The following AGBL3 variants were observed in gnomAD, a reference collection of about 807,000 sequenced individuals.
The protein encoded by AGBL3 is AGBL carboxypeptidase 3, also known as cytosolic carboxypeptidase 3.
Under a neutral mutation model 94.5 loss-of-function variants are expected in AGBL3, and 68 were observed. That is an observed-to-expected ratio of 0.72 (90% CI 0.59 to 0.88). The LOEUF (loss-of-function observed/expected upper bound fraction) is 0.88. AGBL3 is among the 40% of genes least tolerant of loss of function. The pLI, the probability that AGBL3 is intolerant of heterozygous loss-of-function variation, is 0.00. For missense variants in AGBL3, 934 were observed against 1,103.8 expected (o/e 0.85, Z 2.18); for synonymous variants, 354 against 370.7 (o/e 0.95, Z 0.52).
intron 15 of AGBL3, among the ~76,000 whole-genome samples, chr7:135,104,687 G>A (rs1164652054): frequency 1.3e-5 from 2 of 151,726 alleles, no homozygotes; most frequent in East Asian, 3.9e-4. Context: ...CAGTGATATT[G>A]AGCTTTATTT....
rs77214821 is a variant in AGBL3 at position 135,078,433 on chromosome 7, A to T, written c.1981-1770A>T. On this transcript the variant is annotated intron_variant, in intron 13 of 16. Transcript: ENST00000436302. ...ATTAAAATTTTATTTATGGTAAACAAATCCTCTAATTGTTACCCCTGTGTT... is the reference window on the plus strand; with the variant it reads ...ATTAAAATTTTATTTATGGTAAACATATCCTCTAATTGTTACCCCTGTGTT... 7.3e-4 allele frequency among the ~76,000 whole-genome samples: 111 copies of T among 152,262 alleles called. 3 individuals are homozygous for T. The South Asian group carries it at 0.011, about 15-fold the overall frequency.
intron 16 of AGBL3, among the ~76,000 whole-genome samples, chr7:135,128,291 C>CAAAAAAAAAAAAAAAAA: frequency 3.4e-5 from 2 of 58,070 alleles, no homozygotes; most frequent in Non-Finnish European, 5.5e-5. Flanking sequence ...GACTCCATCT[C>CAAAAAAAAAAAAAAAAA]AAAAAAAAAA....
intron 16 of AGBL3, chr7:135,129,323 G>A: frequency 7.9e-7 from 1 of 1,263,756 alleles, no homozygotes; most frequent in East Asian, 2.3e-5. Context: ...CATGTAAGGT[G>A]ACTGCAGAGA....
intron 5 of AGBL3, among the ~76,000 whole-genome samples, chr7:135,024,328 C>T (rs1814849292): frequency 6.6e-6 from 1 of 152,190 alleles, no homozygotes; most frequent in South Asian, 2.1e-4. Flanking sequence ...CTCTGCTGGC[C>T]ATTACTCTCA....
intron 4 of AGBL3, 50 bp downstream of exon 4, chr7:134,993,728 C>A: frequency 7.3e-7 from 1 of 1,377,888 alleles, no homozygotes; most frequent in Non-Finnish European, 9.6e-7. Flanking sequence ...ACTTACTTTG[C>A]CAACCTTAAT....
chr7:135,071,485 C>G (rs888675664), intron 12 of AGBL3, among the ~76,000 whole-genome samples: 21 of 152,144 alleles, frequency 1.4e-4, no homozygotes, highest in Admixed American at 3.3e-4. Flanking sequence ...CAAAGCTGGA[C>G]GCATCACACT....
intron 4 of AGBL3, among the ~76,000 whole-genome samples, chr7:134,996,501 T>TA (rs11462220): frequency 0.93 from 141,746 of 152,152 alleles, 66,817 homozygotes; most frequent in East Asian, 1. Context: ...TCCCCAGAGG[T>TA]AAAAATAGAG....
At chr7:135,124,522 A>C (rs189635282) in intron 16 of AGBL3, among the ~76,000 whole-genome samples, 1 of 152,226 alleles carries the variant, frequency 6.6e-6, no homozygotes, top group African/African-American at 2.4e-5. Flanking sequence ...TCAGGACTTG[A>C]ACTCTCAGCT....
chr7:135,024,949 C>T (rs1430599002), intron 5 of AGBL3, among the ~76,000 whole-genome samples: 1 of 151,426 alleles, frequency 6.6e-6, no homozygotes, highest in African/African-American at 2.4e-5. Flanking sequence ...ATGAACAAAA[C>T]CTTTGAGAAA....
intron 5 of AGBL3, among the ~76,000 whole-genome samples, chr7:135,032,367 C>T (rs889905644): frequency 4.7e-4 from 71 of 152,044 alleles, no homozygotes; most frequent in African/African-American, 1.7e-3. Flanking sequence ...TGTAGTGACG[C>T]GATCTCCGCT....
chr7:135,079,800 G>T (rs558610558), intron 13 of AGBL3, among the ~76,000 whole-genome samples: 22 of 151,982 alleles, frequency 1.4e-4, no homozygotes, highest in Admixed American at 5.9e-4. Flanking sequence ...TTTGCAATCT[G>T]TTTATATATT....
intron 16 of AGBL3, among the ~76,000 whole-genome samples, chr7:135,124,802 G>A (rs1018704830): frequency 5.3e-5 from 8 of 152,014 alleles, no homozygotes; most frequent in African/African-American, 1.7e-4. Flanking sequence ...ATGACTCCTC[G>A]GTAAATAATG....
At chr7:135,120,754 C>T (rs1385291078) in intron 16 of AGBL3, among the ~76,000 whole-genome samples, 1 of 152,144 alleles carries the variant, frequency 6.6e-6, no homozygotes, top group Non-Finnish European at 1.5e-5. Context: ...GAAGAAGATA[C>T]ATCATGCAAA....
chr7:135,021,315 A>G (rs9642008), intron 5 of AGBL3, among the ~76,000 whole-genome samples: 140,959 of 148,088 alleles, frequency 0.95, 67,427 homozygotes, highest in Non-Finnish European at 1. Flanking sequence ...TTTTTGAGAC[A>G]GAGTCTCGCT....
chr7:135,108,838 C>G (rs1585164326), intron 15 of AGBL3, among the ~76,000 whole-genome samples: 1 of 152,250 alleles, frequency 6.6e-6, no homozygotes, highest in East Asian at 1.9e-4. Flanking sequence ...TAAATTTGGC[C>G]TCTTTACATA....
chr7:135,013,298 G>A (rs527808104), intron 4 of AGBL3, among the ~76,000 whole-genome samples: 14 of 152,276 alleles, frequency 9.2e-5, no homozygotes, highest in Admixed American at 2.6e-4. Context: ...CTAATACATT[G>A]TTGGTGGGAA....
chr7:135,113,309 GAAT>G (rs1182390443), intron 15 of AGBL3, among the ~76,000 whole-genome samples: 1 of 152,002 alleles, frequency 6.6e-6, no homozygotes, highest in African/African-American at 2.4e-5. Context: ...AGTAGAAATA[GAAT>G]AATGAGTCCA....
intron 3 of AGBL3, among the ~76,000 whole-genome samples, chr7:134,989,594 A>G (rs1563157826): frequency 6.6e-6 from 1 of 152,224 alleles, no homozygotes; most frequent in African/African-American, 2.4e-5. Context: ...GACTCAAGTT[A>G]TAACGGACAG....
chr7:135,057,713 G>T (rs957894492), intron 11 of AGBL3, among the ~76,000 whole-genome samples: 53 of 152,274 alleles, frequency 3.5e-4, no homozygotes, highest in African/African-American at 1.2e-3. Flanking sequence ...ACAAAACCTG[G>T]AAGCAACCAA....
Sources: allele counts gnomAD v4.1 joint callset (sites outside exome capture counted in the v4.1 genomes callset), GRCh38; gene constraint gnomAD v4.1.1; transcripts MANE v1.5; gene names NCBI Gene and HGNC (gene_info 2026-07-23, HGNC 2026-07-21).